MAP3K4: variants seen among roughly 807,000 people sequenced by gnomAD.
MAP3K4 encodes the protein mitogen-activated protein kinase kinase kinase 4, also known as MAP three kinase 1.
In MAP3K4, 67 loss-of-function variants were observed where a neutral mutation model predicts 185.6. That is an observed-to-expected ratio of 0.36 (90% CI 0.30 to 0.44). The LOEUF (loss-of-function observed/expected upper bound fraction) is 0.44. Ranked by LOEUF, MAP3K4 falls within the 20% of genes least tolerant of loss-of-function variation. The probability of loss-of-function intolerance (pLI) is 1.00; values close to 1 mark genes in which losing one functional copy is unlikely to be tolerated. For synonymous variants in MAP3K4, 702 were observed against 710.4 expected, an observed-to-expected ratio of 0.99 and a Z score of 0.19; for missense variants, 1,551 against 1,995.1, an observed-to-expected ratio of 0.78 and a Z score of 4.24.
intron 3 of MAP3K4, among the ~76,000 whole-genome samples, chr6:161,058,215 T>A (rs763176717): frequency 4.6e-5 from 7 of 152,176 alleles, no homozygotes; most frequent in Admixed American, 2.0e-4. Flanking sequence ...CACAGTGTTT[T>A]AAATATTTTT....
rs1201374456 is a variant in MAP3K4, at chr6:161,091,041, ACT to A, written c.2974-335_2974-334del. The stretch of plus-strand genomic sequence containing the variant: ...CATCTAGAAGTACATGGACTTTTTC[ACT>A]CTGTGGAATTGCACCCGTACTTATG... On this transcript the variant is annotated intron_variant, in intron 11 of 26. Transcript: ENST00000392142. The surrounding 1 kb of genome is among the most constrained non-coding windows in gnomAD (Gnocchi z 5.5). 6.6e-6 allele frequency among the ~76,000 whole-genome samples: 1 copy of A among 152,054 alleles called. No homozygotes were observed. The highest frequency in any genetic ancestry group is 1.5e-5 in the Non-Finnish European group (1 of 68,012).
chr6:161,050,188 G>A (rs986435094), intron 3 of MAP3K4, among the ~76,000 whole-genome samples: 1 of 152,140 alleles, frequency 6.6e-6, no homozygotes, highest in African/African-American at 2.4e-5. Context: ...AGTGCAGGGT[G>A]GTATGTGGAG....
chr6:161,098,850 T>C lies in MAP3K4; in HGVS notation c.3674+423T>C, dbSNP rs1777703651. Among the ~76,000 whole-genome samples the C allele has an allele frequency of 6.6e-6, 1 of 152,156 alleles. No individual in the cohort carries two copies. Among genetic ancestry groups the C allele is most frequent in the Non-Finnish European group, 1.5e-5 (1 of 68,024 alleles). Reference sequence around the variant, plus strand: ...TGGGAAGATCAGTTTTCTAGCCAAATACTCTATTTTAAATAATTGTTGATT... The same window carrying C: ...TGGGAAGATCAGTTTTCTAGCCAAACACTCTATTTTAAATAATTGTTGATT... On this transcript the variant is annotated intron_variant, in intron 17 of 26. Coordinates refer to ENST00000392142, the MANE Select transcript of MAP3K4 (RefSeq NM_005922.4). This position sits in a 1 kb window ranked among gnomAD's most constrained non-coding sequence, Gnocchi z 4.4.
chr6:161,047,488 C>A lies in MAP3K4; in HGVS notation c.344-1128C>A, dbSNP rs145325201. 7.2e-5 allele frequency among the ~76,000 whole-genome samples: 11 copies of A among 152,134 alleles called. No homozygotes were observed. The East Asian group carries it at 2.1e-3, about 29-fold the overall frequency. The stretch of plus-strand genomic sequence containing the variant: ...TTGATTATATATAACGTTCTAATTT[C>A]AGAGATGTTAATGTATGAAAAAATG... On this transcript the variant is annotated intron_variant, in intron 2 of 26. Coordinates refer to ENST00000392142, the MANE Select transcript of MAP3K4 (RefSeq NM_005922.4).
intron 1 of MAP3K4, among the ~76,000 whole-genome samples, chr6:161,027,287 A>C (rs1334197784): frequency 1.3e-5 from 2 of 152,218 alleles, no homozygotes; most frequent in African/African-American, 4.8e-5. Context: ...TCCTAAATCT[A>C]TTTAGATCTT....
chr6:161,005,542 T>A (rs984372675), intron 1 of MAP3K4, among the ~76,000 whole-genome samples: 2 of 152,204 alleles, frequency 1.3e-5, no homozygotes, highest in Non-Finnish European at 2.9e-5. Flanking sequence ...TCAGAAGTTT[T>A]AAATTACCTA....
rs560180001 is a variant in MAP3K4, at chr6:161,061,944, C to G, written c.1708-8664C>G. On this transcript the variant is annotated intron_variant, in intron 3 of 26. Transcript: ENST00000392142. The surrounding 1 kb of genome is among the most constrained non-coding windows in gnomAD (Gnocchi z 4.2). Reference sequence around the variant, plus strand: ...GAAGTACTTGGTTTTACAAGAAAATCTAAATGTATTCTCAAAGAAGTTTAG... The same window carrying G: ...GAAGTACTTGGTTTTACAAGAAAATGTAAATGTATTCTCAAAGAAGTTTAG... Among the ~76,000 whole-genome samples, 19 of 152,214 alleles carry G rather than the reference C, an allele frequency of 1.2e-4. No individual in the cohort carries two copies. Among genetic ancestry groups the G allele is most frequent in the African/African-American group, 4.6e-4 (19 of 41,556 alleles).
At chr6:161,045,552 T>C (rs1415500724) in intron 2 of MAP3K4, among the ~76,000 whole-genome samples, 2 of 152,212 alleles carry the variant, frequency 1.3e-5, no homozygotes, top group Admixed American at 6.5e-5. Context: ...TTTCATGTTT[T>C]GCCCCTGGTA....
At chr6:161,041,877 C>G (rs1783470543) in intron 2 of MAP3K4, among the ~76,000 whole-genome samples, 1 of 149,238 alleles carries the variant, frequency 6.7e-6, no homozygotes, top group South Asian at 2.1e-4. Flanking sequence ...CAGGCAGATG[C>G]TCTCAGGGAG....
chr6:161,017,721 A>G lies in MAP3K4; in HGVS notation c.153-16538A>G, dbSNP rs916618630. On this transcript the variant is annotated intron_variant, in intron 1 of 26. Coordinates refer to ENST00000392142, the MANE Select transcript of MAP3K4 (RefSeq NM_005922.4). The surrounding 1 kb of genome is among the most constrained non-coding windows in gnomAD (Gnocchi z 5.1). ...AACATAAACATATACATATTTTTGA[A>G]CAAAATTTCCTTTCTCCTTTGCTTC... is the stretch of plus-strand genomic sequence containing the variant. 1.3e-5 allele frequency among the ~76,000 whole-genome samples: 2 copies of G among 152,174 alleles called. No homozygotes were observed. Among genetic ancestry groups the G allele is most frequent in the African/African-American group, 4.8e-5 (2 of 41,434 alleles).
In MAP3K4 at chr6:161,049,368, G is replaced by A. The variant is rs1286278987; in HGVS notation, c.1096G>A (p.Ala366Thr). 3 of 1,614,070 alleles carry A rather than the reference G, an allele frequency of 1.9e-6. No homozygotes were observed. In the South Asian group the frequency reaches 3.3e-5, roughly 18 times the overall value. The change falls in exon 3 of 27, where the codon GCA (alanine) becomes ACA (threonine). Residue 366 changes from alanine (A) to threonine (T), a missense_variant. This residue lies in a region of MAP3K4 where 93 missense variants were observed against 96.7 expected (regional missense o/e 0.96). Transcript: ENST00000392142. This position sits in a 1 kb window ranked among gnomAD's most constrained non-coding sequence, Gnocchi z 8.4. ...RIMELLEYIEALYPSLQALQK... is the reference protein window; with the variant it reads ...RIMELLEYIETLYPSLQALQK... ...AATGGAGCTGCTAGAGTACATAGAA[G>A]CACTTTATCCATCATTGCAGGCTCT...
intron 17 of MAP3K4, among the ~76,000 whole-genome samples, chr6:161,099,495 C>A (rs774956521): frequency 6.6e-6 from 1 of 152,194 alleles, no homozygotes; most frequent in Non-Finnish European, 1.5e-5. Context: ...CAACATTGAA[C>A]AAATTCCCAT....
intron 1 of MAP3K4, among the ~76,000 whole-genome samples, chr6:161,012,969 A>G (rs1781917433): frequency 6.6e-6 from 1 of 152,214 alleles, no homozygotes; most frequent in African/African-American, 2.4e-5. Flanking sequence ...TTCTTCTTCT[A>G]GACAACACTG....
chr6:161,020,564 A>G (rs1782333432), intron 1 of MAP3K4, among the ~76,000 whole-genome samples: 1 of 151,490 alleles, frequency 6.6e-6, no homozygotes, highest in Non-Finnish European at 1.5e-5. Flanking sequence ...AGGCTGAGGC[A>G]GGAGAATTAC....
chr6:161,097,830 G>C lies in MAP3K4; in HGVS notation c.3525-448G>C, dbSNP rs905928505. Among the ~76,000 whole-genome samples, 2 of 151,800 alleles carry C rather than the reference G, an allele frequency of 1.3e-5. No homozygotes were observed. Among genetic ancestry groups the C allele is most frequent in the African/African-American group, 4.8e-5 (2 of 41,328 alleles). On this transcript the variant is annotated intron_variant, in intron 16 of 26. Transcript: ENST00000392142. The surrounding 1 kb of genome is among the most constrained non-coding windows in gnomAD (Gnocchi z 4.9). ...GACCGGGGTGCGGTGACTCACGCCT[G>C]TAATTCCAGCACTTTAGGAGGACGA...
rs1277047474 is a variant in MAP3K4, at chr6:161,064,160, G to A, written c.1708-6448G>A. Among the ~76,000 whole-genome samples the A allele has an allele frequency of 6.6e-6, 1 of 152,158 alleles. No homozygotes were observed. Among genetic ancestry groups the A allele is most frequent in the South Asian group, 2.1e-4 (1 of 4,834 alleles). On this transcript the variant is annotated intron_variant, in intron 3 of 26. Coordinates refer to ENST00000392142, the MANE Select transcript of MAP3K4 (RefSeq NM_005922.4). This position sits in a 1 kb window ranked among gnomAD's most constrained non-coding sequence, Gnocchi z 4.3. ...CAGTATTTGACCATTTTCAATGAACGAAAGTGGGAATTTTTATATAGTTTA... is the reference window on the plus strand; with the variant it reads ...CAGTATTTGACCATTTTCAATGAACAAAAGTGGGAATTTTTATATAGTTTA...
chr6:160,995,592 T>G (rs532318124), intron 1 of MAP3K4, among the ~76,000 whole-genome samples: 1 of 152,368 alleles, frequency 6.6e-6, no homozygotes, highest in East Asian at 1.9e-4. Flanking sequence ...GTTTTATTGC[T>G]TGCTGTCAGT....
intron 3 of MAP3K4, among the ~76,000 whole-genome samples, chr6:161,058,050 C>G (rs1032417455): frequency 1.3e-5 from 2 of 152,208 alleles, no homozygotes; most frequent in African/African-American, 2.4e-5. Flanking sequence ...TAACTGAACA[C>G]TCGCTACATG....
At chr6:161,031,325 A>C (rs1782920491) in intron 1 of MAP3K4, among the ~76,000 whole-genome samples, 1 of 152,194 alleles carries the variant, frequency 6.6e-6, no homozygotes, top group South Asian at 2.1e-4. Context: ...TAGAGAAATA[A>C]TTTGTCTACA....
Sources: allele counts gnomAD v4.1 joint callset (sites outside exome capture counted in the v4.1 genomes callset), GRCh38; gene constraint gnomAD v4.1.1; regional missense constraint gnomAD v4.1.1; non-coding constraint Gnocchi (gnomAD v3.1); transcripts MANE v1.5; gene names NCBI Gene and HGNC (gene_info 2026-07-23, HGNC 2026-07-21).